Variants in PCP4 observed in about 807,000 individuals in gnomAD.
PCP4 encodes the protein calmodulin regulator protein PCP4.
PCP4 carries 8 observed loss-of-function variants against 10.0 expected under a neutral mutation model. That is an observed-to-expected ratio of 0.80 (90% CI 0.47 to 1.45). The LOEUF is 1.45. Ranked by LOEUF, PCP4 falls within the 40% of genes most tolerant of loss-of-function variation. The pLI, the probability that PCP4 is intolerant of heterozygous loss-of-function variation, is 0.00. For synonymous variants in PCP4, 21 were observed against 23.0 expected, an observed-to-expected ratio of 0.91 and a Z score of 0.24; for missense variants, 54 against 74.4, an observed-to-expected ratio of 0.73 and a Z score of 1.01.
At chr21:39,891,681 G>A (rs1322031880) in intron 1 of PCP4, among the ~76,000 whole-genome samples, 1 of 152,254 alleles carries the variant, frequency 6.6e-6, no homozygotes, top group African/African-American at 2.4e-5. Context: ...AGACAAGGGG[G>A]CAGGGTAAGG....
intron 1 of PCP4, among the ~76,000 whole-genome samples, chr21:39,876,347 T>C (rs1338614628): frequency 6.6e-6 from 1 of 152,192 alleles, no homozygotes; most frequent in Non-Finnish European, 1.5e-5. Context: ...TGGTACCTCC[T>C]GTGCGTGGAA....
intron 1 of PCP4, among the ~76,000 whole-genome samples, chr21:39,884,413 A>G (rs934116293): frequency 6.6e-6 from 1 of 151,868 alleles, no homozygotes; most frequent in Admixed American, 6.6e-5. Context: ...TCCCGACCTC[A>G]GGTGATCCGC....
chr21:39,920,089 ATG>A (rs575364803), intron 2 of PCP4, among the ~76,000 whole-genome samples: 84 of 80,386 alleles, frequency 1.0e-3, no homozygotes, highest in African/African-American at 3.6e-3. Flanking sequence ...GGTGTGTGTG[ATG>A]TGTGTGTGTG....
At chr21:39,905,992 G>A (rs2087506551) in intron 2 of PCP4, among the ~76,000 whole-genome samples, 2 of 152,222 alleles carry the variant, frequency 1.3e-5, no homozygotes, top group African/African-American at 4.8e-5. Context: ...AGAGCTTGCA[G>A]TGAGCCGAGA....
intron 1 of PCP4, among the ~76,000 whole-genome samples, chr21:39,871,749 A>C (rs112440323): frequency 0.02 from 3,094 of 152,310 alleles, 103 homozygotes; most frequent in African/African-American, 0.071. Context: ...AAGAGTTGCC[A>C]TAAAACTTGT....
At chr21:39,913,531 G>C (rs781029877) in intron 2 of PCP4, among the ~76,000 whole-genome samples, 5 of 152,224 alleles carry the variant, frequency 3.3e-5, no homozygotes, top group Non-Finnish European at 7.3e-5. Context: ...TTGAAAATAT[G>C]GGACTTCAGA....
chr21:39,926,276 T>G (rs2087621016), intron 2 of PCP4: 1 of 264,124 alleles, frequency 3.8e-6, no homozygotes, highest in South Asian at 4.1e-5. Flanking sequence ...CAGTTTAAGA[T>G]ATAAGTGCAA....
At chr21:39,925,792 G>GA (rs2087618186) in intron 2 of PCP4, among the ~76,000 whole-genome samples, 1 of 152,100 alleles carries the variant, frequency 6.6e-6, no homozygotes, top group Admixed American at 6.5e-5. Flanking sequence ...TCCTCACAGG[G>GA]CCACCCTGCT....
At chr21:39,878,993 CTT>C (rs202020238) in intron 1 of PCP4, among the ~76,000 whole-genome samples, 9 of 143,280 alleles carry the variant, frequency 6.3e-5, no homozygotes, top group Non-Finnish European at 9.2e-5. Flanking sequence ...TTTCCTTTTT[CTT>C]TTTTTTTTTT....
At chr21:39,893,878 G>T (rs1601178528) in intron 1 of PCP4, among the ~76,000 whole-genome samples, 1 of 152,144 alleles carries the variant, frequency 6.6e-6, no homozygotes. Context: ...TAAAGAGGGA[G>T]GGCCAGTGTC....
At chr21:39,879,590 G>A (rs745738871) in intron 1 of PCP4, among the ~76,000 whole-genome samples, 16 of 152,182 alleles carry the variant, frequency 1.1e-4, no homozygotes, top group Non-Finnish European at 1.9e-4. Context: ...AGAGGTACAA[G>A]CAGTGGCGTC....
intron 2 of PCP4, among the ~76,000 whole-genome samples, chr21:39,926,487 C>A (rs2087621823): frequency 2.3e-5 from 1 of 43,906 alleles, no homozygotes; most frequent in South Asian, 1.3e-3. Context: ...ACTTCCCCTC[C>A]TACTTGGAAT....
At chr21:39,900,621 C>T (rs1256991633) in intron 2 of PCP4, among the ~76,000 whole-genome samples, 1 of 152,036 alleles carries the variant, frequency 6.6e-6, no homozygotes, top group Non-Finnish European at 1.5e-5. Context: ...CACCCTCCCT[C>T]TAGCAACTTC....
chr21:39,882,667 C>A (rs1368153069), intron 1 of PCP4, among the ~76,000 whole-genome samples: 1 of 152,142 alleles, frequency 6.6e-6, no homozygotes, highest in Non-Finnish European at 1.5e-5. Context: ...ATGATTACAT[C>A]GTCAGTTTCA....
intron 1 of PCP4, among the ~76,000 whole-genome samples, chr21:39,882,461 T>G (rs534419315): frequency 3.9e-5 from 6 of 152,236 alleles, no homozygotes; most frequent in African/African-American, 1.4e-4. Flanking sequence ...TGGGGAGGAC[T>G]GGGGGAATGG....
At chr21:39,912,922 T>C (rs1328685966) in intron 2 of PCP4, among the ~76,000 whole-genome samples, 1 of 152,054 alleles carries the variant, frequency 6.6e-6, no homozygotes, top group African/African-American at 2.4e-5. Flanking sequence ...CGCAGGCTGG[T>C]CTCAAACTCC....
chr21:39,906,367 T>G lies in PCP4; in HGVS notation c.61+7840T>G, dbSNP rs1408529598. On this transcript the variant is annotated intron_variant, in intron 2 of 2. Coordinates refer to ENST00000328619, the MANE Select transcript of PCP4 (RefSeq NM_006198.3). The surrounding 1 kb of genome is among the most constrained non-coding windows in gnomAD (Gnocchi z 6.3). ...AAACCAGAAACTATTGTATCCATAG[T>G]ACCATTATCCCATCAGTTTAGTTAA... 1.3e-5 allele frequency among the ~76,000 whole-genome samples: 2 copies of G among 152,224 alleles called. No homozygotes were observed. The highest frequency in any genetic ancestry group is 4.1e-4 in the South Asian group (2 of 4,828).
intron 1 of PCP4, among the ~76,000 whole-genome samples, chr21:39,881,381 C>T (rs1374414767): frequency 1.3e-5 from 2 of 152,116 alleles, no homozygotes; most frequent in Non-Finnish European, 2.9e-5. Context: ...CAGGTCATTG[C>T]GGGAACAGTG....
chr21:39,927,201 G>C (rs2087625801), intron 2 of PCP4, among the ~76,000 whole-genome samples: 1 of 150,746 alleles, frequency 6.6e-6, no homozygotes, highest in South Asian at 2.1e-4. Flanking sequence ...TCTGAAATAA[G>C]TGCTGATTCT....
Sources: gnomAD v4.1 joint callset for allele counts (sites outside exome capture counted in the v4.1 genomes callset) on GRCh38, gnomAD v4.1.1 for gene constraint, Gnocchi (gnomAD v3.1) non-coding constraint, MANE v1.5 for transcripts, NCBI Gene and HGNC (gene_info 2026-07-23, HGNC 2026-07-21) for gene names.